Variants in VPS35L observed in about 807,000 individuals in gnomAD.
The protein encoded by VPS35L is VPS35 endosomal protein-sorting factor-like.
A neutral mutation model predicts 133.0 loss-of-function variants in VPS35L; 83 were observed. The observed-to-expected ratio is 0.62, with a 90% CI of 0.52 to 0.75. VPS35L has a LOEUF of 0.75. VPS35L is among the 30% of genes least tolerant of loss of function. The pLI, the probability that VPS35L is intolerant of heterozygous loss-of-function variation, is 0.00. For synonymous variants in VPS35L, 423 were observed against 449.9 expected, an observed-to-expected ratio of 0.94 and a Z score of 0.76; for missense variants, 1,083 against 1,206.8, an observed-to-expected ratio of 0.90 and a Z score of 1.52.
intron 20 of VPS35L, among the ~76,000 whole-genome samples, chr16:19,638,092 C>G (rs947876477): frequency 6.6e-6 from 1 of 152,192 alleles, no homozygotes; most frequent in Non-Finnish European, 1.5e-5. Flanking sequence ...ATGATTCCCT[C>G]AAAAATTTAA....
intron 6 of VPS35L, among the ~76,000 whole-genome samples, chr16:19,580,919 T>C (rs1196258606): frequency 1.3e-5 from 2 of 152,202 alleles, no homozygotes; most frequent in Admixed American, 6.5e-5. Flanking sequence ...GTGATCAGCA[T>C]ATTTTTCTTC....
At position 19,652,041 on chromosome 16, in the gene VPS35L, C is replaced by T. The variant is rs771514294; in HGVS notation, c.2172C>T (p.Leu724=). Residue 724 remains leucine (L), a synonymous_variant, in exon 26 of 31, where the codon CTC becomes CTT. Coordinates refer to ENST00000417362, the MANE Select transcript of VPS35L (RefSeq NM_020314.7). ...SLAGIFTRLN[L]YLHSGQVALA... ...CGGGCATCTTCACACGTCTCAATCT[C>T]TACCTGCATTCTGGTCAGGTGGCCT... 3 of 1,613,150 alleles carry T rather than the reference C, an allele frequency of 1.9e-6. No homozygotes were observed. The highest frequency in any genetic ancestry group is 2.5e-6 in the Non-Finnish European group (3 of 1,179,668).
chr16:19,596,441 A>AT (rs113074231), intron 8 of VPS35L, among the ~76,000 whole-genome samples: 11,940 of 141,008 alleles, frequency 0.085, 664 homozygotes, highest in East Asian at 0.23. Flanking sequence ...TGCCCAGCGA[A>AT]TTTTTTTTTT....
Position 19,689,609 on chromosome 16 carries a change from C to CA in VPS35L, c.2528-1742dup, listed in dbSNP as rs1017489480. 1.3e-5 allele frequency among the ~76,000 whole-genome samples: 2 copies of CA among 152,094 alleles called. 1 individual carries two copies. The highest frequency in any genetic ancestry group is 2.9e-5 in the Non-Finnish European group (2 of 68,030). On this transcript the variant is annotated intron_variant, in intron 28 of 30. Transcript: ENST00000417362. ...TCTGCAGTTTCAGTTACCCCACAGT[C>CA]AACCTGGTCCAAAAATATTAAGTGG... is the stretch of plus-strand genomic sequence containing the variant.
In VPS35L at chr16:19,628,751, C is replaced by G; in HGVS notation, c.1498C>G (p.Gln500Glu). Residue 500 changes from glutamine (Q) to glutamate (E), a missense_variant and splice_region_variant, in exon 17 of 31, where the codon CAG becomes GAG. Gln to Glu is a conservative substitution (Grantham distance 29). Coordinates refer to ENST00000417362, the MANE Select transcript of VPS35L (RefSeq NM_020314.7). ...WKVITKLKNP[Q>E]DYINCAEVWV... ...AGTCATCACTAAGCTGAAGAACCCA[C>G]AGGTGAGTGGCCATTTTATTTTTAT... is the stretch of plus-strand genomic sequence containing the variant. 2.2e-6 allele frequency: 3 copies of G among 1,351,076 alleles called. No individual in the cohort carries two copies. The highest frequency in any genetic ancestry group is 2.0e-6 in the Non-Finnish European group (2 of 1,001,950). The allele number at this position is 1,351,076 out of a possible 1,614,324, so 83.7% of individuals were successfully genotyped here.
chr16:19,659,591 A>G (rs1974413859), intron 26 of VPS35L, among the ~76,000 whole-genome samples: 1 of 152,218 alleles, frequency 6.6e-6, no homozygotes, highest in Non-Finnish European at 1.5e-5. Context: ...CTTTATGTAC[A>G]TATCAAAATA....
chr16:19,601,904 A>C (rs1255023749), intron 9 of VPS35L, among the ~76,000 whole-genome samples, 181 bp downstream of exon 9: 1 of 152,202 alleles, frequency 6.6e-6, no homozygotes, highest in Non-Finnish European at 1.5e-5. Context: ...GAAGGTTTCT[A>C]AATGGCCCGT....
chr16:19,630,932 G>A (rs1973437075), intron 18 of VPS35L, among the ~76,000 whole-genome samples: 1 of 152,072 alleles, frequency 6.6e-6, no homozygotes, highest in African/African-American at 2.4e-5. Flanking sequence ...TCGCTTCAAT[G>A]TGGGAGGCAG....
At chr16:19,561,826 C>G (rs879193639) in intron 1 of VPS35L, among the ~76,000 whole-genome samples, 3 of 152,282 alleles carry the variant, frequency 2.0e-5, no homozygotes, top group Admixed American at 2.0e-4. Flanking sequence ...AAACTATTGG[C>G]TGGGCTCAGT....
chr16:19,608,935 C>T (rs752961751), intron 10 of VPS35L, 39 bp from the exon 11 acceptor site: 1 of 1,595,796 alleles, frequency 6.3e-7, no homozygotes, highest in Non-Finnish European at 8.6e-7. Context: ...GGGAGTAGAC[C>T]TTCTGGAAAA....
In VPS35L at chr16:19,616,098, A is replaced by T; in HGVS notation, c.1024-16A>T. ...GTCATTATTTGCAACCAGTTTTTCC[A>T]TTTGTCTGGCTGCAGGTGGGAATGG... On this transcript the variant is annotated splice_polypyrimidine_tract_variant and intron_variant, in intron 12 of 30. Coordinates refer to ENST00000417362, the MANE Select transcript of VPS35L (RefSeq NM_020314.7). 1 of 1,607,732 alleles carries T rather than the reference A, an allele frequency of 6.2e-7. No homozygotes were observed. The highest frequency in any genetic ancestry group is 8.5e-7 in the Non-Finnish European group (1 of 1,175,598).
chr16:19,616,225 T>C (rs374519928), intron 13 of VPS35L, 34 bp downstream of exon 13: 37 of 1,549,032 alleles, frequency 2.4e-5, no homozygotes, highest in Non-Finnish European at 3.1e-5. Context: ...CTCATCGATA[T>C]AACAGTTCTA....
intron 22 of VPS35L, 90 bp from the exon 23 acceptor site, chr16:19,644,796 C>T: frequency 1.2e-6 from 1 of 859,826 alleles, no homozygotes; most frequent in Non-Finnish European, 1.8e-6. Context: ...ATGTTCTTAC[C>T]TGTTAAATTA....
At chr16:19,591,131 G>A (rs1312415577) in intron 7 of VPS35L, among the ~76,000 whole-genome samples, 1 of 152,074 alleles carries the variant, frequency 6.6e-6, no homozygotes, top group Non-Finnish European at 1.5e-5. Context: ...TCCTTTTGGG[G>A]GGAATTTGGG....
chr16:19,697,525 G>C (rs771601074), intron 29 of VPS35L, among the ~76,000 whole-genome samples: 13 of 151,694 alleles, frequency 8.6e-5, no homozygotes, highest in Non-Finnish European at 1.3e-4. Context: ...TTCACTAAAA[G>C]ACTTTAAATT....
chr16:19,677,426 G>C (rs939629925), intron 27 of VPS35L, among the ~76,000 whole-genome samples: 1 of 152,154 alleles, frequency 6.6e-6, no homozygotes, highest in African/African-American at 2.4e-5. Flanking sequence ...CAGAGCTCCA[G>C]ATTTGGGGGA....
chr16:19,577,693 T>C (rs1398937224), intron 5 of VPS35L, among the ~76,000 whole-genome samples: 4 of 152,126 alleles, frequency 2.6e-5, no homozygotes, highest in African/African-American at 9.7e-5. Context: ...TATTAGGAGA[T>C]GGGCCCTTTT....
In VPS35L at chr16:19,638,716, G is replaced by T. The variant is rs368178908; in HGVS notation, c.1698+1060G>T. Among the ~76,000 whole-genome samples the T allele has an allele frequency of 3.3e-5, 5 of 152,326 alleles. No homozygotes were observed. In the South Asian group the frequency reaches 8.3e-4, roughly 25 times the overall value. On this transcript the variant is annotated intron_variant, in intron 20 of 30. Transcript: ENST00000417362. ...CTAACGAGCAGGTAGCATCTACAAT[G>T]TGGAGACGCTAGACAAAGGGATGAC...
At chr16:19,693,697 T>C (rs1434630856) in intron 29 of VPS35L, among the ~76,000 whole-genome samples, 1 of 151,146 alleles carries the variant, frequency 6.6e-6, no homozygotes. Flanking sequence ...GGCAGAAGAA[T>C]CGCTTAAACC....
Sources: gnomAD v4.1 joint callset for allele counts (sites outside exome capture counted in the v4.1 genomes callset) on GRCh38, gnomAD v4.1.1 for gene constraint, MANE v1.5 for transcripts, NCBI Gene and HGNC (gene_info 2026-07-23, HGNC 2026-07-21) for gene names.